PKHD1L1: variants seen among roughly 807,000 people sequenced by gnomAD.
PKHD1L1 encodes the protein fibrocystin-L.
Under a neutral mutation model 462.9 loss-of-function variants are expected in PKHD1L1, and 434 were observed. The ratio of observed to expected loss-of-function variants is 0.94; its 90% CI spans 0.87 to 1.02. The LOEUF is 1.02. Among genes scored for constraint, PKHD1L1 ranks in the 50% least tolerant of loss-of-function variants. The probability of loss-of-function intolerance (pLI) is 0.00; values close to 1 mark genes in which losing one functional copy is unlikely to be tolerated. For synonymous variants in PKHD1L1, 1,781 were observed against 1,750.0 expected, an observed-to-expected ratio of 1.02 and a Z score of -0.44; for missense variants, 5,202 against 5,096.1, an observed-to-expected ratio of 1.02 and a Z score of -0.63.
intron 2 of PKHD1L1, among the ~76,000 whole-genome samples, chr8:109,372,941 A>G (rs942297964): frequency 2.0e-5 from 3 of 152,224 alleles, no homozygotes; most frequent in African/African-American, 7.2e-5. Context: ...ATCAATGTTC[A>G]TCAAGGATAT....
At chr8:109,447,427 G>A (rs1342064775) in intron 38 of PKHD1L1, among the ~76,000 whole-genome samples, 4 of 152,024 alleles carry the variant, frequency 2.6e-5, no homozygotes, top group African/African-American at 7.2e-5. Context: ...TTATGTTGAC[G>A]AATTTTCATT....
chr8:109,382,607 T>C (rs1390948755), intron 4 of PKHD1L1, 36 bp downstream of exon 4: 1 of 1,531,490 alleles, frequency 6.5e-7, no homozygotes, highest in Non-Finnish European at 8.9e-7. Flanking sequence ...TATGTATAGT[T>C]GATCTTGCTT....
chr8:109,412,614 A>G (rs1359688744), intron 20 of PKHD1L1, among the ~76,000 whole-genome samples, 200 bp downstream of exon 20: 1 of 152,044 alleles, frequency 6.6e-6, no homozygotes, highest in East Asian at 1.9e-4. Flanking sequence ...CTATATATAT[A>G]TGTATATAGC....
At chr8:109,497,388 T>G in intron 65 of PKHD1L1, 116 bp downstream of exon 65, 7 of 1,033,352 alleles carry the variant, frequency 6.8e-6, no homozygotes, top group East Asian at 5.7e-5. Context: ...CGCCCACACC[T>G]CCCTGCCTTT....
chr8:109,424,060 C>T (rs1161783929), intron 23 of PKHD1L1, among the ~76,000 whole-genome samples: 3 of 152,000 alleles, frequency 2.0e-5, no homozygotes, highest in Non-Finnish European at 4.4e-5. Context: ...GTAATCACAC[C>T]CAAATGAAGA....
In PKHD1L1 at chr8:109,408,180, C is replaced by A. The variant is rs1475636894; in HGVS notation, c.1945C>A (p.Leu649Ile). Residue 649 changes from leucine (L) to isoleucine (I), a missense_variant, in exon 18 of 78, where the codon CTC becomes ATC. Leu to Ile is a conservative substitution (Grantham distance 5). This residue lies in a region of PKHD1L1 where 4,497 missense variants were observed against 4,336.8 expected (regional missense o/e 1.04). Transcript: ENST00000378402. ...LNWDGIASKP[L>I]TLWSSEAEFQ... ...TTGGGATGGGATCGCTTCTAAGCCACTCACTCTATGGTCATCAGAAGCTGA... is the reference window on the plus strand; with the variant it reads ...TTGGGATGGGATCGCTTCTAAGCCAATCACTCTATGGTCATCAGAAGCTGA... 1.2e-6 allele frequency: 2 copies of A among 1,612,564 alleles called. No individual in the cohort carries two copies. Among genetic ancestry groups the A allele is most frequent in the Non-Finnish European group, 1.7e-6 (2 of 1,179,118 alleles).
chr8:109,452,649 T>C (rs1253364542), intron 42 of PKHD1L1, 69 bp from the exon 43 acceptor site: 28 of 1,099,890 alleles, frequency 2.5e-5, no homozygotes, highest in Non-Finnish European at 3.3e-5. Context: ...ATAAAATGCT[T>C]TTTGAAAAAT....
At chr8:109,389,464 T>TGATC (rs927407809) in intron 8 of PKHD1L1, among the ~76,000 whole-genome samples, 1 of 151,982 alleles carries the variant, frequency 6.6e-6, no homozygotes, top group African/African-American at 2.4e-5. Flanking sequence ...CTTTTCTTCT[T>TGATC]GATCTATGTC....
Position 109,412,367 on chromosome 8 carries a change from C to A in PKHD1L1, c.2188C>A (p.Pro730Thr). Residue 730 changes from proline to threonine, a missense_variant, in exon 20 of 78, where the codon CCA (proline) becomes ACA (threonine). Coordinates refer to ENST00000378402, the MANE Select transcript of PKHD1L1 (RefSeq NM_177531.6). Reference protein sequence around the residue: ...AVLFDSADVKPNRRPYGDILL... With the variant: ...AVLFDSADVKTNRRPYGDILL... ...TCTTTTTGACTCAGCAGATGTTAAACCAAACAGACGACCATATGGAGATAT... is the reference window on the plus strand; with the variant it reads ...TCTTTTTGACTCAGCAGATGTTAAAACAAACAGACGACCATATGGAGATAT... 6.2e-7 allele frequency: 1 copy of A among 1,613,496 alleles called. No homozygotes were observed. The highest frequency in any genetic ancestry group is 8.5e-7 in the Non-Finnish European group (1 of 1,179,610).
At chr8:109,455,660 C>T (rs1002369196) in intron 45 of PKHD1L1, among the ~76,000 whole-genome samples, 3 of 152,004 alleles carry the variant, frequency 2.0e-5, no homozygotes, top group Admixed American at 6.6e-5. Flanking sequence ...TATCCTAGAA[C>T]CTTGTCAGCA....
At chr8:109,477,581 TA>T (rs1186777250) in intron 53 of PKHD1L1, among the ~76,000 whole-genome samples, 185 bp downstream of exon 53, 3 of 152,162 alleles carry the variant, frequency 2.0e-5, no homozygotes, top group Non-Finnish European at 1.5e-5. Context: ...GAAAATGTCT[TA>T]AAAAAATTAT....
intron 6 of PKHD1L1, 112 bp downstream of exon 6, chr8:109,385,742 A>C: frequency 1.6e-6 from 1 of 622,560 alleles, no homozygotes; most frequent in Non-Finnish European, 2.5e-6. Context: ...ATAACTAACC[A>C]GTGTTTTTTT....
chr8:109,461,758 A>G lies in PKHD1L1; in HGVS notation c.7247-14A>G. 1 of 1,599,838 alleles carries G rather than the reference A, an allele frequency of 6.3e-7. No individual in the cohort carries two copies. Among genetic ancestry groups the G allele is most frequent in the South Asian group, 1.1e-5 (1 of 87,806 alleles). ...GACAATTTTTTTAATGATGCTTTAA[A>G]AACTGTTTTGAAGGAGAATTTGCTA... On this transcript the variant is annotated splice_polypyrimidine_tract_variant and intron_variant, in intron 47 of 77. Coordinates refer to ENST00000378402, the MANE Select transcript of PKHD1L1 (RefSeq NM_177531.6).
rs1199181896 is a variant in PKHD1L1 at position 109,433,055 on chromosome 8, A to G, written c.3230-51A>G. 7.4e-5 allele frequency: 94 copies of G among 1,268,258 alleles called. No individual in the cohort carries two copies. The Middle Eastern group carries it at 1.6e-3, about 22-fold the overall frequency. The allele number at this position is 1,268,258 out of a possible 1,614,324, so 78.6% of individuals were successfully genotyped here. A position where few individuals can be genotyped will look rare whatever the true frequency, so the allele number is the denominator to read the frequency against. ...GAGAAATGTCTGATTTCATAACAAC[A>G]GGTTTTATTTTTCTAACTTTAATAT... On this transcript the variant is annotated intron_variant, in intron 27 of 77. Transcript: ENST00000378402.
Position 109,443,658 on chromosome 8 carries a change from C to A in PKHD1L1, c.4565-18C>A, listed in dbSNP as rs1407257953. ...GGAATGTTATTCATGACTTAACGGG[C>A]AGTTCTTTTGTCTAAAGGAGGACCT... On this transcript the variant is annotated intron_variant, in intron 36 of 77. Coordinates refer to ENST00000378402, the MANE Select transcript of PKHD1L1 (RefSeq NM_177531.6). 2.6e-5 allele frequency: 41 copies of A among 1,576,138 alleles called. No homozygotes were observed. The Admixed American group carries it at 6.0e-4, about 23-fold the overall frequency.
At chr8:109,378,098 C>T (rs1386585920) in intron 2 of PKHD1L1, among the ~76,000 whole-genome samples, 3 of 152,202 alleles carry the variant, frequency 2.0e-5, no homozygotes, top group Non-Finnish European at 2.9e-5. Flanking sequence ...ACACACCTTT[C>T]TAGCTACCAA....
Position 109,491,905 on chromosome 8 carries a change from C to CGGGG in PKHD1L1, c.10148_10149insGGGG (p.Asn3385ArgfsTer29). On this transcript the variant is annotated frameshift_variant, in exon 62 of 78. Transcript: ENST00000378402. LOFTEE classifies it high-confidence loss of function. ...AATATGGGGGAATGCCAACCGAGTC[C>CGGGG]GAGGGAATTTGATTGCACTTTCGGT... 1.2e-6 allele frequency: 2 copies of CGGGG among 1,603,342 alleles called. No homozygotes were observed. The highest frequency in any genetic ancestry group is 2.2e-5 in the South Asian group (2 of 90,094).
At position 109,411,373 on chromosome 8, in the gene PKHD1L1, T is replaced by A. The variant is rs116931404; in HGVS notation, c.2086-892T>A. Among the ~76,000 whole-genome samples the A allele has an allele frequency of 2.9e-3, 449 of 152,304 alleles. 2 individuals carry two copies. The highest frequency in any genetic ancestry group is 4.7e-3 in the Non-Finnish European group (317 of 68,014). The stretch of plus-strand genomic sequence containing the variant: ...TTAATTCAGATTAATACCCTGGATA[T>A]GAATATAAATCCTTAAAAATATCTC... On this transcript the variant is annotated intron_variant, in intron 19 of 77. Transcript: ENST00000378402.
Position 109,493,686 on chromosome 8 carries a change from T to C in PKHD1L1, c.10262T>C (p.Leu3421Ser). The C allele has an allele frequency of 1.2e-6, 2 of 1,608,814 alleles. No homozygotes were observed. Among genetic ancestry groups the C allele is most frequent in the Non-Finnish European group, 1.7e-6 (2 of 1,177,096 alleles). ...ATAAATAGAGGGACCAATACAGTTT[T>C]ACAGAATAATGTAGTGGCTGGATTT... The part of the protein sequence containing the change: ...IEINRGTNTV[L>S]QNNVVAGFGR... The change falls in exon 63 of 78, where the codon TTA becomes TCA. Residue 3421 changes from leucine (L) to serine (S), a missense_variant. Transcript: ENST00000378402.
Sources: allele counts gnomAD v4.1 joint callset (sites outside exome capture counted in the v4.1 genomes callset), GRCh38; gene constraint gnomAD v4.1.1; regional missense constraint gnomAD v4.1.1; transcripts MANE v1.5; gene names NCBI Gene and HGNC (gene_info 2026-07-23, HGNC 2026-07-21).